The following PLCG1 variants were observed in gnomAD, a reference collection of about 807,000 sequenced individuals.
The protein encoded by PLCG1 is phospholipase C gamma 1, also known as 1-phosphatidylinositol 4,5-bisphosphate phosphodiesterase gamma-1.
Under a neutral mutation model 177.8 loss-of-function variants are expected in PLCG1, and 71 were observed. The ratio of observed to expected loss-of-function variants is 0.40; its 90% CI spans 0.33 to 0.49. The LOEUF (loss-of-function observed/expected upper bound fraction) is 0.49, where lower values mean the gene tolerates loss of function less well. Among genes scored for constraint, PLCG1 ranks in the 20% least tolerant of loss-of-function variants. The probability of loss-of-function intolerance (pLI) is 0.72; values close to 1 mark genes in which losing one functional copy is unlikely to be tolerated. For missense variants in PLCG1, 1,281 were observed against 1,709.0 expected (o/e 0.75, Z 4.42); for synonymous variants, 658 against 647.9 (o/e 1.02, Z -0.24).
rs767583581 is a variant in PLCG1, at chr20:41,172,785, G to A, written c.3187G>A (p.Val1063Met). 2.7e-5 allele frequency: 43 copies of A among 1,614,044 alleles called. No homozygotes were observed. In the East Asian group the frequency reaches 3.1e-4, roughly 12 times the overall value. The change falls in exon 27 of 32, where the codon GTG (valine) becomes ATG (methionine). Residue 1063 changes from valine to methionine, a missense_variant. Transcript: ENST00000685551. This position sits in a 1 kb window ranked among gnomAD's most constrained non-coding sequence, Gnocchi z 7.0. ...LFMTGRHCGY[V>M]LQPSTMRDEA... ...CATGACGGGCAGGCACTGTGGCTAC[G>A]TGCTGCAGCCAAGCACCATGCGGGA...
Position 41,166,151 on chromosome 20 carries a change from T to C in PLCG1, c.1800-43T>C. ...GGGTGGAACTTGGTCTTTGGGGCCC[T>C]GGCCTGTTTTCCCCAGCCTCCCTCA... On this transcript the variant is annotated intron_variant, in intron 16 of 31. Transcript: ENST00000685551. This position sits in a 1 kb window ranked among gnomAD's most constrained non-coding sequence, Gnocchi z 8.6. The C allele has an allele frequency of 6.4e-7, 1 of 1,564,026 alleles. No homozygotes were observed. Among genetic ancestry groups the C allele is most frequent in the Non-Finnish European group, 8.8e-7 (1 of 1,142,588 alleles).
In PLCG1 at chr20:41,173,655, A is replaced by G; in HGVS notation, c.3398A>G (p.Asp1133Gly). 1 of 1,614,144 alleles carries G rather than the reference A, an allele frequency of 6.2e-7. No homozygotes were observed. Among genetic ancestry groups the G allele is most frequent in the Non-Finnish European group, 8.5e-7 (1 of 1,180,012 alleles). ...STKQKTEFVVDNGLNPVWPAK... is the reference protein window; with the variant it reads ...STKQKTEFVVGNGLNPVWPAK... ...CCTTTTGTCGTTGCCTTCACAGTGG[A>G]CAATGGACTCAACCCTGTATGGCCA... Residue 1133 changes from aspartate to glycine, a missense_variant, in exon 29 of 32, where the codon GAC becomes GGC. Physicochemically the swap from Asp to Gly is moderately conservative, Grantham distance 94 (BLOSUM62 -1). Coordinates refer to ENST00000685551, the MANE Select transcript of PLCG1 (RefSeq NM_002660.3). The surrounding 1 kb of genome is among the most constrained non-coding windows in gnomAD (Gnocchi z 6.2).
At position 41,172,176 on chromosome 20, in the gene PLCG1, C is replaced by A; in HGVS notation, c.2809-17C>A. The A allele has an allele frequency of 6.3e-7, 1 of 1,599,752 alleles. No homozygotes were observed. Among genetic ancestry groups the A allele is most frequent in the Non-Finnish European group, 8.6e-7 (1 of 1,166,876 alleles). Reference sequence around the variant, plus strand: ...GGGCTGTAGCCTGGGGCTACAGGGCCTTGTGTGTGTCACCAGCTCACTGAA... The same window carrying A: ...GGGCTGTAGCCTGGGGCTACAGGGCATTGTGTGTGTCACCAGCTCACTGAA... On this transcript the variant is annotated splice_polypyrimidine_tract_variant and intron_variant, in intron 24 of 31. Coordinates refer to ENST00000685551, the MANE Select transcript of PLCG1 (RefSeq NM_002660.3). This position sits in a 1 kb window ranked among gnomAD's most constrained non-coding sequence, Gnocchi z 7.0.
chr20:41,166,104 CCTT>C lies in PLCG1; in HGVS notation c.1800-89_1800-87del. On this transcript the variant is annotated intron_variant, in intron 16 of 31. Coordinates refer to ENST00000685551, the MANE Select transcript of PLCG1 (RefSeq NM_002660.3). This position sits in a 1 kb window ranked among gnomAD's most constrained non-coding sequence, Gnocchi z 8.6. ...TTGGCCTCCCTCCTTGAGGCTCCCT[CCTT>C]GAGTTCCACCCTCATTTGGGGTGGA... 8.4e-7 allele frequency: 1 copy of C among 1,191,318 alleles called. No homozygotes were observed. The highest frequency in any genetic ancestry group is 1.2e-6 in the Non-Finnish European group (1 of 827,680). 73.8% of individuals were successfully genotyped at this position (1,191,318 alleles called of 1,614,324 possible). A position where few individuals can be genotyped will look rare whatever the true frequency, so the allele number is the denominator to read the frequency against.
At chr20:41,170,359 C>G (rs573251063) in intron 24 of PLCG1, 90 bp downstream of exon 24, 16 of 1,414,238 alleles carry the variant, frequency 1.1e-5, no homozygotes, top group Non-Finnish European at 1.6e-5. Context: ...CCCCTCAGAG[C>G]AGTGGGGCAG....
rs951557465 is a variant in PLCG1, at chr20:41,150,512, A to C, written c.218-9094A>C. 1.3e-4 allele frequency among the ~76,000 whole-genome samples: 20 copies of C among 152,238 alleles called. No homozygotes were observed. The highest frequency in any genetic ancestry group is 4.8e-4 in the African/African-American group (20 of 41,548). Reference sequence around the variant, plus strand: ...ATCTAGAAAGAACTTAGGCAGCATCAGTCTGCAAGGGAGGCAGAGTTTGGA... The same window carrying C: ...ATCTAGAAAGAACTTAGGCAGCATCCGTCTGCAAGGGAGGCAGAGTTTGGA... On this transcript the variant is annotated intron_variant, in intron 1 of 31. Coordinates refer to ENST00000685551, the MANE Select transcript of PLCG1 (RefSeq NM_002660.3). This position sits in a 1 kb window ranked among gnomAD's most constrained non-coding sequence, Gnocchi z 4.0.
rs2035962405 is a variant in PLCG1, at chr20:41,173,362, G to A, written c.3280-58G>A. On this transcript the variant is annotated intron_variant, in intron 27 of 31. Transcript: ENST00000685551. This position sits in a 1 kb window ranked among gnomAD's most constrained non-coding sequence, Gnocchi z 6.2. Reference sequence around the variant, plus strand: ...CACAGATGCTGACTGAGCCTCCGCAGTGGGGAATTGGAGGGAGCAGGAAGG... The same window carrying A: ...CACAGATGCTGACTGAGCCTCCGCAATGGGGAATTGGAGGGAGCAGGAAGG... 1 of 1,478,174 alleles carries A rather than the reference G, an allele frequency of 6.8e-7. No individual in the cohort carries two copies. The highest frequency in any genetic ancestry group is 1.4e-5 in the African/African-American group (1 of 71,358). 91.6% of individuals were successfully genotyped at this position (1,478,174 alleles called of 1,614,324 possible).
At position 41,163,429 on chromosome 20, in the gene PLCG1, C is replaced by T. The variant is rs1195779260; in HGVS notation, c.841C>T (p.Leu281Phe). 6.2e-7 allele frequency: 1 copy of T among 1,613,118 alleles called. No individual in the cohort carries two copies. Among genetic ancestry groups the T allele is most frequent in the South Asian group, 1.1e-5 (1 of 91,056 alleles). ...LQVQEFMLSF[L>F]RDPLREIEEP... ...GGTGCAGGAGTTCATGCTCAGCTTC[C>T]TCCGAGACCCCTTACGAGAGATCGA... Residue 281 changes from leucine (L) to phenylalanine (F), a missense_variant, in exon 9 of 32, where the codon CTC becomes TTC. Around this residue, in one of 4 missense-constraint regions of PLCG1, gnomAD observed 374 missense variants for 443.8 expected, o/e 0.84. Transcript: ENST00000685551. The surrounding 1 kb of genome is among the most constrained non-coding windows in gnomAD (Gnocchi z 5.2).
chr20:41,170,068 G>T (rs1347906192), intron 23 of PLCG1, 44 bp from the exon 24 acceptor site: 7 of 1,555,308 alleles, frequency 4.5e-6, no homozygotes, highest in East Asian at 2.3e-5. Context: ...GGTGGAGGGG[G>T]TGAGATGTCT....
rs555407812 is a variant in PLCG1, at chr20:41,151,401, C to T, written c.218-8205C>T. Among the ~76,000 whole-genome samples the T allele has an allele frequency of 7.2e-5, 11 of 152,302 alleles. No homozygotes were observed. The highest frequency in any genetic ancestry group is 2.2e-4 in the African/African-American group (9 of 41,564). On this transcript the variant is annotated intron_variant, in intron 1 of 31. Coordinates refer to ENST00000685551, the MANE Select transcript of PLCG1 (RefSeq NM_002660.3). This position sits in a 1 kb window ranked among gnomAD's most constrained non-coding sequence, Gnocchi z 5.5. ...CCAAGCTTGTCCAACTCGCTGCCCGCGGGTCTGGTTTGAAGGCAGCTGCTG... is the reference window on the plus strand; with the variant it reads ...CCAAGCTTGTCCAACTCGCTGCCCGTGGGTCTGGTTTGAAGGCAGCTGCTG...
rs2035076906 is a variant in PLCG1 at position 41,148,851 on chromosome 20, G to A, written c.218-10755G>A. Reference sequence around the variant, plus strand: ...AACAAGGATTCTGAGGCATTACAGAGCACACGTCTAGGGTACAGGCAGTCT... The same window carrying A: ...AACAAGGATTCTGAGGCATTACAGAACACACGTCTAGGGTACAGGCAGTCT... On this transcript the variant is annotated intron_variant, in intron 1 of 31. Transcript: ENST00000685551. The surrounding 1 kb of genome is among the most constrained non-coding windows in gnomAD (Gnocchi z 4.3). 6.6e-6 allele frequency among the ~76,000 whole-genome samples: 1 copy of A among 152,148 alleles called. No homozygotes were observed. Among genetic ancestry groups the A allele is most frequent in the Non-Finnish European group, 1.5e-5 (1 of 68,028 alleles).
intron 1 of PLCG1, among the ~76,000 whole-genome samples, chr20:41,155,462 C>T (rs967118778): frequency 6.6e-6 from 1 of 152,118 alleles, no homozygotes; most frequent in Non-Finnish European, 1.5e-5. Flanking sequence ...TGGGGATGCA[C>T]GTGCCTCAGA....
rs2035549751 is a variant in PLCG1 at position 41,162,664 on chromosome 20, A to G, written c.620A>G (p.Asp207Gly). The G allele has an allele frequency of 6.2e-6, 10 of 1,613,902 alleles. No individual in the cohort carries two copies. Among genetic ancestry groups the G allele is most frequent in the Non-Finnish European group, 7.6e-6 (9 of 1,179,926 alleles). Residue 207 changes from aspartate to glycine, a missense_variant, in exon 6 of 32, where the codon GAC becomes GGC. This residue lies in a region of PLCG1 where 374 missense variants were observed against 443.8 expected (regional missense o/e 0.84). Transcript: ENST00000685551. Reference protein sequence around the residue: ...RLTDLEQRSGDITYGQFAQLY... With the variant: ...RLTDLEQRSGGITYGQFAQLY... ...CAGGACCTGGAGCAGCGCAGCGGGGACATCACCTACGGGCAGTTTGCTCAG... is the reference window on the plus strand; with the variant it reads ...CAGGACCTGGAGCAGCGCAGCGGGGGCATCACCTACGGGCAGTTTGCTCAG...
intron 4 of PLCG1, chr20:41,162,235 G>GTTTTTTTTTTTTTTT (rs11426520): frequency 1.0e-3 from 147 of 143,616 alleles, no homozygotes; most frequent in Non-Finnish European, 1.2e-3. Flanking sequence ...TTTTGTTTTT[G>GTTTTTTTTTTTTTTT]TTTTTTTTTT....
At chr20:41,169,675 G>A in intron 23 of PLCG1, 149 bp downstream of exon 23, 1 of 662,052 alleles carries the variant, frequency 1.5e-6, no homozygotes, top group Middle Eastern at 4.2e-4. Context: ...ACATCCCCTT[G>A]ACACCCTGGG....
Position 41,153,496 on chromosome 20 carries a change from CCT to C in PLCG1, c.218-6107_218-6106del, listed in dbSNP as rs1238018263. ...TTATTTTTTGCAGAGGTGGGGTCTT[CCT>C]CTGTTACCCAGATGGGTCTTGAACT... On this transcript the variant is annotated intron_variant, in intron 1 of 31. Transcript: ENST00000685551. The surrounding 1 kb of genome is among the most constrained non-coding windows in gnomAD (Gnocchi z 5.1). 2.0e-5 allele frequency among the ~76,000 whole-genome samples: 3 copies of C among 152,080 alleles called. No individual in the cohort carries two copies. The highest frequency in any genetic ancestry group is 4.4e-5 in the Non-Finnish European group (3 of 68,010).
chr20:41,165,862 G>T lies in PLCG1; in HGVS notation c.1799+36G>T. ...CCATGCAGATGCGTATGTTCAGTCA[G>T]CGTGTGTACACAGACATCACATCAC... On this transcript the variant is annotated intron_variant, in intron 16 of 31. Transcript: ENST00000685551. This position sits in a 1 kb window ranked among gnomAD's most constrained non-coding sequence, Gnocchi z 6.6. The T allele has an allele frequency of 4.7e-6, 7 of 1,481,752 alleles. No individual in the cohort carries two copies. The highest frequency in any genetic ancestry group is 6.4e-6 in the Non-Finnish European group (7 of 1,087,634). The allele number at this position is 1,481,752 out of a possible 1,614,324, so 91.8% of individuals were successfully genotyped here. A position where few individuals can be genotyped will look rare whatever the true frequency, so the allele number is the denominator to read the frequency against.
intron 21 of PLCG1, 98 bp downstream of exon 21, chr20:41,168,968 C>T (rs1312196721): frequency 8.8e-6 from 10 of 1,141,714 alleles, no homozygotes; most frequent in East Asian, 2.4e-5. Context: ...CTGTGTGCAC[C>T]AGCAGTGCCT....
intron 1 of PLCG1, among the ~76,000 whole-genome samples, chr20:41,139,680 A>G (rs1478988325): frequency 6.6e-6 from 1 of 152,230 alleles, no homozygotes; most frequent in Non-Finnish European, 1.5e-5. Flanking sequence ...ATAAATGTTT[A>G]ATAAATATGA....
Sources: allele counts gnomAD v4.1 joint callset (sites outside exome capture counted in the v4.1 genomes callset), GRCh38; gene constraint gnomAD v4.1.1; regional missense constraint gnomAD v4.1.1; non-coding constraint Gnocchi (gnomAD v3.1); transcripts MANE v1.5; gene names NCBI Gene and HGNC (gene_info 2026-07-23, HGNC 2026-07-21).